Variants in ANKRD34B observed in about 807,000 individuals in gnomAD.
ANKRD34B encodes ankyrin repeat domain 34B, also known as ankyrin repeat domain-containing protein 34B.
In ANKRD34B, 2 loss-of-function variants were observed where a neutral mutation model predicts 4.4. The observed-to-expected ratio is 0.46, with a 90% CI of 0.19 to 1.44. The LOEUF is 1.44. ANKRD34B is among the 40% of genes most tolerant of loss of function. The pLI is 0.26. For synonymous variants in ANKRD34B, 226 were observed against 227.1 expected, an observed-to-expected ratio of 0.99 and a Z score of 0.05; for missense variants, 558 against 604.7, an observed-to-expected ratio of 0.92 and a Z score of 0.81.
At chr5:80,568,279 C>A (rs1746635185) in intron 2 of ANKRD34B, among the ~76,000 whole-genome samples, 1 of 152,206 alleles carries the variant, frequency 6.6e-6, no homozygotes, top group African/African-American at 2.4e-5. Flanking sequence ...TCATTCCAGG[C>A]CACTTCCTGT....
intron 4 of ANKRD34B, among the ~76,000 whole-genome samples, chr5:80,563,384 T>TCC (rs1367307298): frequency 2.6e-5 from 4 of 152,220 alleles, no homozygotes; most frequent in Non-Finnish European, 5.9e-5. Flanking sequence ...TTTATTTACT[T>TCC]ATTGTAAAAT....
In ANKRD34B at chr5:80,559,147, G is replaced by A. The variant is rs2112705564; in HGVS notation, c.873C>T (p.Ile291=). ...TTACATCAATGCTTTGGTGCCTAGT[G>A]ATGAACCGCTTGGAAAGTGCCAGCC... ...TNGLALSKRF[I]TRHQSIDVKD... is the part of the protein sequence containing the mutation. Residue 291 remains isoleucine (I), a synonymous_variant, in exon 5 of 5, where the codon ATC becomes ATT. Coordinates refer to ENST00000338682, the MANE Select transcript of ANKRD34B (RefSeq NM_001004441.3). 2 of 1,614,210 alleles carry A rather than the reference G, an allele frequency of 1.2e-6. No individual in the cohort carries two copies. Among genetic ancestry groups the A allele is most frequent in the Non-Finnish European group, 8.5e-7 (1 of 1,180,048 alleles).
chr5:80,563,565 GAAAGGCAGTATTCA>G (rs1213405176), intron 4 of ANKRD34B, among the ~76,000 whole-genome samples, 156 bp downstream of exon 4: 2 of 152,176 alleles, frequency 1.3e-5, no homozygotes, highest in Non-Finnish European at 2.9e-5. Context: ...CTAAGCTCCT[GAAAGGCAGTATTCA>G]AAAGGACATA....
chr5:80,562,806 G>A (rs1158265684), intron 4 of ANKRD34B, among the ~76,000 whole-genome samples: 1 of 152,102 alleles, frequency 6.6e-6, no homozygotes, highest in Admixed American at 6.6e-5. Flanking sequence ...ATCAGTACCC[G>A]AAATGAGGCT....
rs1387869554 is a variant in ANKRD34B, at chr5:80,559,953, G to A, written c.67C>T (p.Leu23Phe). ...TCTAGCAAAAGTCTTGTGAGGCGAA[G>A]CCGGCTCTGATGGACTGCTTTGATC... ...SLIKAVHQSR[L>F]RLTRLLLEGG... Residue 23 changes from leucine (L) to phenylalanine (F), a missense_variant, in exon 5 of 5, where the codon CTT becomes TTT. Transcript: ENST00000338682. The A allele has an allele frequency of 1.2e-6, 2 of 1,613,836 alleles. No homozygotes were observed. Among genetic ancestry groups the A allele is most frequent in the Admixed American group, 1.7e-5 (1 of 59,948 alleles).
At chr5:80,568,925 C>CAGAGAGAGAGAGAGAGAGAGAGAGAGAG (rs1554060878) in intron 2 of ANKRD34B, 35 bp downstream of exon 2, 1 of 49,850 alleles carries the variant, frequency 2.0e-5, no homozygotes, top group Non-Finnish European at 3.9e-5. Context: ...CACACACACA[C>CAGAGAGAGAGAGAGAGAGAGAGAGAGAG]AGAGAGAGAG....
In ANKRD34B at chr5:80,558,764, A is replaced by AG. The variant is rs771124160; in HGVS notation, c.1255dup (p.Leu419ProfsTer71). The AG allele has an allele frequency of 1.4e-5, 23 of 1,614,194 alleles. 2 individuals carry two copies. The Admixed American group carries it at 2.7e-4, about 19-fold the overall frequency. On this transcript the variant is annotated frameshift_variant, in exon 5 of 5. Transcript: ENST00000338682. LOFTEE classifies it low-confidence loss of function (END_TRUNC). ...TAAAACTGCATGATTTCTCCTGCTC[A>AG]GGGGACCTGGGGGGATATTCTCCAA...
Position 80,558,775 on chromosome 5 carries a change from G to A in ANKRD34B, c.1245C>T (p.Pro415=). Reference sequence around the variant, plus strand: ...GATTTCTCCTGCTCAGGGGACCTGGGGGGATATTCTCCAACAATTCTTTGG... The same window carrying A: ...GATTTCTCCTGCTCAGGGGACCTGGAGGGATATTCTCCAACAATTCTTTGG... The part of the protein sequence containing the change: ...SESKELLENI[P]PGPLSRRNHA... Residue 415 remains proline, a synonymous_variant, in exon 5 of 5, where the codon CCC becomes CCT. Coordinates refer to ENST00000338682, the MANE Select transcript of ANKRD34B (RefSeq NM_001004441.3). 1.2e-6 allele frequency: 2 copies of A among 1,614,158 alleles called. No homozygotes were observed. The highest frequency in any genetic ancestry group is 1.7e-6 in the Non-Finnish European group (2 of 1,180,020).
intron 4 of ANKRD34B, among the ~76,000 whole-genome samples, 152 bp from the exon 5 acceptor site, chr5:80,560,194 ATAAAG>A (rs1746378255): frequency 6.6e-6 from 1 of 152,234 alleles, no homozygotes; most frequent in South Asian, 2.1e-4. Flanking sequence ...GAATTGCAAA[ATAAAG>A]TAAATTTTTG....
intron 3 of ANKRD34B, chr5:80,564,465 C>G (rs1056716882): frequency 6.6e-6 from 1 of 152,168 alleles, no homozygotes; most frequent in African/African-American, 2.4e-5. Flanking sequence ...TGGCGACGGC[C>G]GTGCCTAAGG....
At position 80,565,480 on chromosome 5, in the gene ANKRD34B, C is replaced by T. The variant is rs529164697; in HGVS notation, c.-105+1209G>A. Among the ~76,000 whole-genome samples, 18 of 152,352 alleles carry T rather than the reference C, an allele frequency of 1.2e-4. No homozygotes were observed. The East Asian group carries it at 3.3e-3, about 28-fold the overall frequency. On this transcript the variant is annotated intron_variant, in intron 3 of 4. Transcript: ENST00000338682. ...GTTCAGGCATCCGACAGGTGTCAAT[C>T]GTGACTCTCACACTTATTGGCTATG...
chr5:80,565,281 G>C (rs904086453), intron 3 of ANKRD34B, among the ~76,000 whole-genome samples: 1 of 152,078 alleles, frequency 6.6e-6, no homozygotes, highest in African/African-American at 2.4e-5. Flanking sequence ...CTCTACTTTT[G>C]ACGAAGACCA....
intron 3 of ANKRD34B, among the ~76,000 whole-genome samples, chr5:80,566,167 G>C (rs188263185): frequency 6.6e-5 from 10 of 152,260 alleles, no homozygotes; most frequent in African/African-American, 2.4e-4. Context: ...TGGAAATGGG[G>C]GGATGGTGGA....
chr5:80,562,068 T>C, intron 4 of ANKRD34B, among the ~76,000 whole-genome samples: 1 of 115,512 alleles, frequency 8.7e-6, no homozygotes, highest in East Asian at 2.0e-4. Flanking sequence ...TGTGTGTGTG[T>C]GTGTGTGTGT....
rs1299823130 is a variant in ANKRD34B at position 80,557,493 on chromosome 5, A to T, written c.*982T>A. On this transcript the variant is annotated 3_prime_UTR_variant, in exon 5 of 5. Transcript: ENST00000338682. ...TAATTTTAGCTAACCTAATCTAATC[A>T]TCAGTTTTTCTTTTTAAAAGAAGGC... 6.6e-6 allele frequency: 1 copy of T among 151,868 alleles called. No homozygotes were observed. The highest frequency in any genetic ancestry group is 2.4e-5 in the African/African-American group (1 of 41,374). The allele number at this position is 151,868 out of a possible 1,614,324, so 9.4% of individuals were successfully genotyped here. A position where few individuals can be genotyped will look rare whatever the true frequency, so the allele number is the denominator to read the frequency against.
At chr5:80,567,025 T>C (rs1746588255) in intron 2 of ANKRD34B, among the ~76,000 whole-genome samples, 1 of 152,128 alleles carries the variant, frequency 6.6e-6, no homozygotes, top group African/African-American at 2.4e-5. Context: ...GCCTCGGCAC[T>C]CACTTGGTGC....
At chr5:80,568,923 C>CAGAGAG (rs1465629441) in intron 2 of ANKRD34B, 37 bp downstream of exon 2, 34 of 40,458 alleles carry the variant, frequency 8.4e-4, no homozygotes, top group South Asian at 5.7e-3. Flanking sequence ...CACACACACA[C>CAGAGAG]ACAGAGAGAG....
intron 3 of ANKRD34B, among the ~76,000 whole-genome samples, 153 bp downstream of exon 3, chr5:80,566,536 G>A (rs1020753040): frequency 6.6e-6 from 1 of 152,160 alleles, no homozygotes; most frequent in Non-Finnish European, 1.5e-5. Context: ...GCCCTGCTAC[G>A]AGGGGACTGG....
intron 4 of ANKRD34B, among the ~76,000 whole-genome samples, chr5:80,563,139 T>C (rs1232974056): frequency 1.3e-5 from 2 of 152,164 alleles, no homozygotes; most frequent in Non-Finnish European, 2.9e-5. Flanking sequence ...GGATCAAATA[T>C]AAGGGGGAAC....
Sources: gnomAD v4.1 joint callset for allele counts (sites outside exome capture counted in the v4.1 genomes callset) on GRCh38, gnomAD v4.1.1 for gene constraint, MANE v1.5 for transcripts, NCBI Gene and HGNC (gene_info 2026-07-23, HGNC 2026-07-21) for gene names.